The following CDKL5 variants were observed in gnomAD, a reference collection of about 807,000 sequenced individuals.
CDKL5 encodes cyclin dependent kinase like 5.
In CDKL5, 8 loss-of-function variants were observed where a neutral mutation model predicts 61.7. The observed-to-expected ratio is 0.13, with a 90% CI of 0.08 to 0.23. CDKL5 has a LOEUF of 0.23. CDKL5 is among the 10% of genes least tolerant of loss of function. CDKL5 has a pLI of 1.00. For synonymous variants in CDKL5, 275 were observed against 272.3 expected (o/e 1.01, Z -0.10); for missense variants, 440 against 734.5 (o/e 0.60, Z 4.63).
intron 2 of CDKL5, among the ~76,000 whole-genome samples, chrX:18,509,197 G>GCGCACACACACACA (rs1555940193): frequency 1.1e-4 from 7 of 64,314 alleles, no homozygotes; most frequent in African/African-American, 3.0e-4. Context: ...CTCAAAACAC[G>GCGCACACACACACA]CACACACACA....
intron 3 of CDKL5, among the ~76,000 whole-genome samples, chrX:18,551,908 A>G (rs985892840): frequency 1.8e-5 from 2 of 109,500 alleles, no homozygotes; most frequent in Non-Finnish European, 1.9e-5. Flanking sequence ...TTTCTAAAGC[A>G]TAGAAAAGCA....
At position 18,632,007 on chromosome X, in the gene CDKL5, C is replaced by T; in HGVS notation, c.*3250C>T. 1 of 570,444 alleles carries T rather than the reference C, an allele frequency of 1.8e-6. No homozygotes were observed. 47.0% of individuals were successfully genotyped at this position (570,444 alleles called of 1,213,427 possible). A position where few individuals can be genotyped will look rare whatever the true frequency, so the allele number is the denominator to read the frequency against. On this transcript the variant is annotated 3_prime_UTR_variant, in exon 18 of 18. Coordinates refer to ENST00000623535, the MANE Select transcript of CDKL5 (RefSeq NM_001323289.2). ...ACTGGCATCAAGTGGTTAGAGGCCA[C>T]AGATGCTACTAAACACCCTGCCATG...
chrX:18,518,343 T>G (rs1923099232), intron 3 of CDKL5, among the ~76,000 whole-genome samples: 1 of 104,172 alleles, frequency 9.6e-6, no homozygotes. Context: ...GAATTTAACA[T>G]GGATAAATTA....
At chrX:18,434,956 G>C (rs1158166628) in intron 1 of CDKL5, among the ~76,000 whole-genome samples, 1 of 111,675 alleles carries the variant, frequency 9.0e-6, no homozygotes, top group East Asian at 2.8e-4. Context: ...TTTGTATTAT[G>C]TTTAAAGATT....
At chrX:18,571,426 G>T (rs1925131953) in intron 4 of CDKL5, among the ~76,000 whole-genome samples, 1 of 111,106 alleles carries the variant, frequency 9.0e-6, no homozygotes, top group Admixed American at 9.6e-5. Flanking sequence ...GTAAACTGGA[G>T]CCCAGCCTTG....
At chrX:18,439,045 G>GTCCCCCC (rs757823393) in intron 1 of CDKL5, among the ~76,000 whole-genome samples, 1 of 37,487 alleles carries the variant, frequency 2.7e-5, no homozygotes, top group Non-Finnish European at 4.4e-5. Flanking sequence ...GCCCCTTTTT[G>GTCCCCCC]CCCCCCCCCC....
At chrX:18,516,652 C>T (rs998795973) in intron 3 of CDKL5, among the ~76,000 whole-genome samples, 3 of 110,587 alleles carry the variant, frequency 2.7e-5, no homozygotes, top group Non-Finnish European at 5.7e-5. Context: ...TCCCAAAGTA[C>T]TGGGATTACA....
chrX:18,460,830 G>A (rs1358270263), intron 1 of CDKL5, among the ~76,000 whole-genome samples: 1 of 111,955 alleles, frequency 8.9e-6, no homozygotes, highest in Non-Finnish European at 1.9e-5. Context: ...TATTAAGTGG[G>A]ATTCAAGGAG....
chrX:18,475,975 A>C (rs1761593117), intron 1 of CDKL5, among the ~76,000 whole-genome samples: 2 of 112,130 alleles, frequency 1.8e-5, no homozygotes, highest in African/African-American at 6.5e-5. Flanking sequence ...GTAACTCAAG[A>C]TCAGAAAATT....
intron 17 of CDKL5, among the ~76,000 whole-genome samples, chrX:18,625,989 G>T (rs1927028536): frequency 9.1e-6 from 1 of 110,061 alleles, no homozygotes; most frequent in Non-Finnish European, 1.9e-5. Flanking sequence ...ATCCTCCCGA[G>T]CTTTTGAGGC....
At chrX:18,648,585 A>C (rs1397704355) in intron 20 of CDKL5, among the ~76,000 whole-genome samples, 1 of 111,676 alleles carries the variant, frequency 9.0e-6, no homozygotes, top group Non-Finnish European at 1.9e-5. Context: ...TATTGGGAGC[A>C]GCAATGTAGC....
Position 18,586,701 on chromosome X carries a change from C to T in CDKL5, c.555-1253C>T, listed in dbSNP as rs773820486. Among the ~76,000 whole-genome samples the T allele has an allele frequency of 4.1e-3, 456 of 111,873 alleles. 2 individuals carry two copies. Among genetic ancestry groups the T allele is most frequent in the African/African-American group, 0.014 (444 of 30,858 alleles). ...TTTTATATATTCTCAAGGCTTTGTC[C>T]TTGACATTCAGAATCATTCCAGCTG... is the stretch of plus-strand genomic sequence containing the variant. On this transcript the variant is annotated intron_variant, in intron 8 of 17. Coordinates refer to ENST00000623535, the MANE Select transcript of CDKL5 (RefSeq NM_001323289.2).
intron 3 of CDKL5, among the ~76,000 whole-genome samples, chrX:18,515,955 T>TTTCC (rs373986345): frequency 2.3e-3 from 256 of 110,334 alleles, no homozygotes; most frequent in Non-Finnish European, 4.0e-3. Flanking sequence ...TCTCTTCTCT[T>TTTCC]TTCCTTCCTT....
chrX:18,434,112 A>G (rs1350083999), intron 1 of CDKL5, among the ~76,000 whole-genome samples: 1 of 111,818 alleles, frequency 8.9e-6, no homozygotes, highest in Non-Finnish European at 1.9e-5. Context: ...AGGCCAGCTT[A>G]GGAACGGGAA....
chrX:18,512,939 A>G (rs1457456629), intron 3 of CDKL5, among the ~76,000 whole-genome samples: 1 of 111,590 alleles, frequency 9.0e-6, no homozygotes, highest in Non-Finnish European at 1.9e-5. Context: ...TTTATGCAAC[A>G]TTGCAAATGG....
At chrX:18,440,030 G>C (rs1399285303) in intron 1 of CDKL5, among the ~76,000 whole-genome samples, 1 of 110,783 alleles carries the variant, frequency 9.0e-6, no homozygotes, top group Non-Finnish European at 1.9e-5. Context: ...TATTGATGGT[G>C]ACTGACTGAT....
At chrX:18,525,067 C>T (rs751128049) in intron 3 of CDKL5, among the ~76,000 whole-genome samples, 1 of 111,173 alleles carries the variant, frequency 9.0e-6, no homozygotes, top group Admixed American at 9.6e-5. Context: ...GGACTATAGG[C>T]TCATGCCACC....
intron 2 of CDKL5, among the ~76,000 whole-genome samples, chrX:18,509,197 G>GCACGCACGCGCGCGCGCACACA: frequency 1.6e-5 from 1 of 64,308 alleles, no homozygotes; most frequent in South Asian, 1.1e-3. Flanking sequence ...CTCAAAACAC[G>GCACGCACGCGCGCGCGCACACA]CACACACACA....
chrX:18,521,393 T>C (rs964623924), intron 3 of CDKL5, among the ~76,000 whole-genome samples: 24 of 111,688 alleles, frequency 2.1e-4, no homozygotes, highest in African/African-American at 7.5e-4. Context: ...CCAGTTTATT[T>C]TTTCCTTTAT....
Sources: allele counts gnomAD v4.1 joint callset (sites outside exome capture counted in the v4.1 genomes callset), GRCh38; gene constraint gnomAD v4.1.1; transcripts MANE v1.5; gene names NCBI Gene and HGNC (gene_info 2026-07-23, HGNC 2026-07-21).